IGF2R: variants seen among roughly 807,000 people sequenced by gnomAD.
The protein encoded by IGF2R is insulin like growth factor 2 receptor.
Under a neutral mutation model 270.6 loss-of-function variants are expected in IGF2R, and 91 were observed. That is an observed-to-expected ratio of 0.34 (90% CI 0.28 to 0.40). IGF2R has a LOEUF of 0.40. Among genes scored for constraint, IGF2R ranks in the 10% least tolerant of loss-of-function variants. The pLI, the probability that IGF2R is intolerant of heterozygous loss-of-function variation, is 1.00. For missense variants in IGF2R, 2,805 were observed against 3,188.3 expected, an observed-to-expected ratio of 0.88 and a Z score of 2.90; for synonymous variants, 1,316 against 1,258.9, an observed-to-expected ratio of 1.05 and a Z score of -0.96.
intron 2 of IGF2R, among the ~76,000 whole-genome samples, chr6:159,994,529 GT>G (rs1440501459): frequency 1.3e-5 from 2 of 151,328 alleles, no homozygotes; most frequent in Admixed American, 6.6e-5. Context: ...TGCCATGAGG[GT>G]TACATTAGGT....
At chr6:159,978,322 T>C (rs1783725130) in intron 1 of IGF2R, among the ~76,000 whole-genome samples, 1 of 152,044 alleles carries the variant, frequency 6.6e-6, no homozygotes, top group African/African-American at 2.4e-5. Context: ...CCCCAAACAA[T>C]GAGGAGCTTG....
rs191807697 is a variant in IGF2R, at chr6:160,099,568, C to T, written c.6842+2943C>T. 2.4e-4 allele frequency among the ~76,000 whole-genome samples: 36 copies of T among 152,228 alleles called. 1 individual carries two copies. Among genetic ancestry groups the T allele is most frequent in the Non-Finnish European group, 1.5e-4 (10 of 68,016 alleles). On this transcript the variant is annotated intron_variant, in intron 45 of 47. Coordinates refer to ENST00000356956, the MANE Select transcript of IGF2R (RefSeq NM_000876.4). ...ATTTTTAGTAGAGACGGGGTTTCAC[C>T]GTGTTAGCCAGGTTGATCTCGATCT...
rs1803989 is a variant in IGF2R at position 160,096,449 on chromosome 6, C to T, written c.6666C>T (p.Leu2222=). ...KTKYYLQDGD[L]DVVFASSSKC... is the part of the protein sequence containing the mutation. ...CTTCCCGTTTGACAGACGGCGATCT[C>T]GATGTCGTGTTTGCCTCTTCCTCTA... is the stretch of plus-strand genomic sequence containing the variant. The change falls in exon 45 of 48, where the codon CTC becomes CTT. Residue 2222 remains leucine (L), a synonymous_variant. Coordinates refer to ENST00000356956, the MANE Select transcript of IGF2R (RefSeq NM_000876.4). The T allele has an allele frequency of 0.096, 153,920 of 1,609,300 alleles. 13,537 individuals are homozygous for T. The highest frequency in any genetic ancestry group is 0.42 in the East Asian group (18,841 of 44,604).
At chr6:160,012,765 T>TGTATATATATATATA (rs1562343074) in intron 4 of IGF2R, among the ~76,000 whole-genome samples, 1 of 76,610 alleles carries the variant, frequency 1.3e-5, no homozygotes, top group Non-Finnish European at 2.8e-5. Context: ...ATATATATAT[T>TGTATATATATATATA]TTTTTTTTTT....
intron 20 of IGF2R, among the ~76,000 whole-genome samples, chr6:160,056,938 A>G (rs1385894400): frequency 6.6e-6 from 1 of 152,170 alleles, no homozygotes; most frequent in East Asian, 1.9e-4. Flanking sequence ...CTATCCATAG[A>G]GCACAGCCTG....
intron 42 of IGF2R, among the ~76,000 whole-genome samples, chr6:160,088,449 C>T (rs560889376): frequency 4.6e-5 from 7 of 152,288 alleles, no homozygotes; most frequent in African/African-American, 1.2e-4. Flanking sequence ...AACAAAGGGG[C>T]GTGGATTTGT....
At chr6:159,990,770 T>C (rs931653642) in intron 1 of IGF2R, among the ~76,000 whole-genome samples, 2 of 152,186 alleles carry the variant, frequency 1.3e-5, no homozygotes, top group Non-Finnish European at 2.9e-5. Context: ...GCTGTAATTA[T>C]AGGCGTGTGC....
intron 1 of IGF2R, among the ~76,000 whole-genome samples, chr6:159,989,170 A>T (rs1376587101): frequency 6.6e-6 from 1 of 152,032 alleles, no homozygotes; most frequent in Non-Finnish European, 1.5e-5. Context: ...TTGAAGGCCT[A>T]TGTGTGCGGT....
chr6:160,010,750 G>T lies in IGF2R; in HGVS notation c.478G>T (p.Ala160Ser). Reference sequence around the variant, plus strand: ...CTACTTTGAGTGGAGGACCACTGCAGCCTGCAAGAAAGACATATTTAAAGC... The same window carrying T: ...CTACTTTGAGTGGAGGACCACTGCATCCTGCAAGAAAGACATATTTAAAGC... ...VHYFEWRTTA[A>S]CKKDIFKANK... The change falls in exon 4 of 48, where the codon GCC (alanine) becomes TCC (serine). Residue 160 changes from alanine to serine, a missense_variant. Ala to Ser is a moderately conservative substitution (Grantham distance 99). This residue lies in a region of IGF2R where 954 missense variants were observed against 981.1 expected (regional missense o/e 0.97). Coordinates refer to ENST00000356956, the MANE Select transcript of IGF2R (RefSeq NM_000876.4). 6.2e-7 allele frequency: 1 copy of T among 1,612,096 alleles called. No homozygotes were observed. The highest frequency in any genetic ancestry group is 2.2e-5 in the East Asian group (1 of 44,860).
chr6:159,980,298 G>A (rs566194187), intron 1 of IGF2R, among the ~76,000 whole-genome samples: 1 of 152,164 alleles, frequency 6.6e-6, no homozygotes, highest in Non-Finnish European at 1.5e-5. Context: ...CCCTAGGTGA[G>A]GGTTGCAGTT....
intron 41 of IGF2R, among the ~76,000 whole-genome samples, chr6:160,086,564 C>T (rs1779101531): frequency 6.6e-6 from 1 of 152,150 alleles, no homozygotes; most frequent in African/African-American, 2.4e-5. Context: ...GTTGAGCCTC[C>T]TGCCCAATCA....
chr6:160,079,022 C>G (rs970357172), intron 37 of IGF2R, among the ~76,000 whole-genome samples: 40 of 152,298 alleles, frequency 2.6e-4, no homozygotes, highest in African/African-American at 9.4e-4. Context: ...CCAGCACCTG[C>G]TGTGGCACGG....
At chr6:160,044,371 G>C (rs374836357) in intron 12 of IGF2R, 143 bp from the exon 13 acceptor site, 1 of 756,548 alleles carries the variant, frequency 1.3e-6, no homozygotes, top group Non-Finnish European at 2.2e-6. Context: ...GGTTCAGGGG[G>C]CTGGAGAAGG....
chr6:160,078,533 T>C (rs2297362), intron 37 of IGF2R, among the ~76,000 whole-genome samples, 171 bp downstream of exon 37: 24,727 of 152,192 alleles, frequency 0.16, 3,174 homozygotes, highest in East Asian at 0.42. Flanking sequence ...AGGAAGGTTC[T>C]TGGATTGCGT....
At chr6:160,068,486 T>C (rs1044293356) in intron 30 of IGF2R, 101 bp downstream of exon 30, 31 of 1,508,406 alleles carry the variant, frequency 2.1e-5, no homozygotes, top group African/African-American at 3.0e-5. Context: ...TTGTAGTGAG[T>C]GTATCACAGG....
Position 160,063,567 on chromosome 6 carries a change from A to C in IGF2R, c.3823A>C (p.Lys1275Gln). 3 of 1,614,248 alleles carry C rather than the reference A, an allele frequency of 1.9e-6. No individual in the cohort carries two copies. Among genetic ancestry groups the C allele is most frequent in the Non-Finnish European group, 1.7e-6 (2 of 1,180,042 alleles). ...CTCAGACGTCTGCCCCACAAGTGACAAGTCCAAGGTGGTCTCCTCATGTCA... is the reference window on the plus strand; with the variant it reads ...CTCAGACGTCTGCCCCACAAGTGACCAGTCCAAGGTGGTCTCCTCATGTCA... Reference protein sequence around the residue: ...LSSDVCPTSDKSKVVSSCQEK... With the variant: ...LSSDVCPTSDQSKVVSSCQEK... Residue 1275 changes from lysine to glutamine, a missense_variant, in exon 27 of 48, where the codon AAG (lysine) becomes CAG (glutamine). Coordinates refer to ENST00000356956, the MANE Select transcript of IGF2R (RefSeq NM_000876.4).
intron 42 of IGF2R, 82 bp downstream of exon 42, chr6:160,088,229 T>G (rs1249708167): frequency 1.1e-6 from 1 of 940,812 alleles, no homozygotes; most frequent in Admixed American, 1.8e-5. Flanking sequence ...CATGGGCAGG[T>G]TTTGGCTGAG....
At chr6:159,986,442 T>G (rs1477592624) in intron 1 of IGF2R, among the ~76,000 whole-genome samples, 2 of 148,204 alleles carry the variant, frequency 1.3e-5, no homozygotes, top group African/African-American at 5.1e-5. Context: ...TTTTTTTTTT[T>G]TTTTAAGTAG....
chr6:159,969,496 T>G, intron 1 of IGF2R, 101 bp downstream of exon 1: 1 of 891,358 alleles, frequency 1.1e-6, no homozygotes, highest in Non-Finnish European at 1.4e-6. Context: ...GGTCTCCAAG[T>G]CGCCTCCGTT....
Sources: allele counts gnomAD v4.1 joint callset (sites outside exome capture counted in the v4.1 genomes callset), GRCh38; gene constraint gnomAD v4.1.1; regional missense constraint gnomAD v4.1.1; transcripts MANE v1.5; gene names NCBI Gene and HGNC (gene_info 2026-07-23, HGNC 2026-07-21).